The following RLF variants were observed in gnomAD, a reference collection of about 807,000 sequenced individuals.
RLF encodes the protein zinc finger protein Rlf.
A neutral mutation model predicts 162.9 loss-of-function variants in RLF; 7 were observed. The ratio of observed to expected loss-of-function variants is 0.04; its 90% confidence interval spans 0.02 to 0.08. RLF has a LOEUF of 0.08. Ranked by LOEUF, RLF falls within the 10% of genes least tolerant of loss-of-function variation. RLF has a pLI of 1.00. For synonymous variants in RLF, 782 were observed against 791.5 expected, an observed-to-expected ratio of 0.99 and a Z score of 0.20; for missense variants, 1,664 against 2,244.7, an observed-to-expected ratio of 0.74 and a Z score of 5.23.
chr1:40,213,638 A>G (rs1642890090), intron 5 of RLF, among the ~76,000 whole-genome samples: 1 of 152,172 alleles, frequency 6.6e-6, no homozygotes, highest in African/African-American at 2.4e-5. Flanking sequence ...CCTTTCTTCT[A>G]CTCAAGGATG....
At chr1:40,168,929 G>T (rs1642202712) in intron 1 of RLF, among the ~76,000 whole-genome samples, 1 of 151,972 alleles carries the variant, frequency 6.6e-6, no homozygotes, top group Non-Finnish European at 1.5e-5. Context: ...GGAGGCAGAG[G>T]TTGCAGTGGG....
intron 3 of RLF, among the ~76,000 whole-genome samples, chr1:40,194,994 C>T (rs1156482426): frequency 5.5e-5 from 6 of 109,836 alleles, no homozygotes; most frequent in Middle Eastern, 5.0e-3. Context: ...CCACCACGCC[C>T]GGCTAATTTT....
rs981892427 is a variant in RLF at position 40,178,569 on chromosome 1, A to G, written c.238-10486A>G. On this transcript the variant is annotated intron_variant, in intron 1 of 7. Transcript: ENST00000372771. ...TGTTCAGATGGTAAATTTTATATGT[A>G]TTTTACCACCATTTTGAAAAAATAG... Among the ~76,000 whole-genome samples, 7 of 138,990 alleles carry G rather than the reference A, an allele frequency of 5.0e-5. No homozygotes were observed. In the South Asian group the frequency reaches 9.0e-4, roughly 18 times the overall value. 91.2% of individuals were successfully genotyped at this position (138,990 alleles called of 152,430 possible).
At chr1:40,201,450 C>G (rs931233754) in intron 4 of RLF, among the ~76,000 whole-genome samples, 1 of 151,642 alleles carries the variant, frequency 6.6e-6, no homozygotes, top group African/African-American at 2.4e-5. Context: ...AACGGTGAAA[C>G]CCCGTCTCTA....
intron 1 of RLF, among the ~76,000 whole-genome samples, chr1:40,187,042 T>G (rs959922862): frequency 4.1e-5 from 6 of 145,972 alleles, no homozygotes; most frequent in East Asian, 2.0e-4. Context: ...TGTTTTTTGG[T>G]TTTTTTTTTT....
At position 40,235,860 on chromosome 1, in the gene RLF, A is replaced by G. The variant is rs1183026072; in HGVS notation, c.1158A>G (p.Glu386=). The G allele has an allele frequency of 6.2e-7, 1 of 1,613,958 alleles. No homozygotes were observed. Among genetic ancestry groups the G allele is most frequent in the Non-Finnish European group, 8.5e-7 (1 of 1,179,988 alleles). Residue 386 remains glutamate (E), a synonymous_variant, in exon 8 of 8, where the codon GAA becomes GAG. Transcript: ENST00000372771. ...CVRALQLRSS[E]DEEMKASVCK... ...GAGCTCTTCAACTCAGATCAAGTGA[A>G]GATGAGGAAATGAAGGCATCAGTTT...
At chr1:40,195,183 C>G (rs1388189626) in intron 3 of RLF, among the ~76,000 whole-genome samples, 2 of 151,616 alleles carry the variant, frequency 1.3e-5, no homozygotes, top group Non-Finnish European at 2.9e-5. Flanking sequence ...GACGCGATGG[C>G]TCAACACCTA....
Position 40,202,556 on chromosome 1 carries a change from A to G in RLF, c.752A>G (p.Gln251Arg). Reference protein sequence around the residue: ...SKEISNVSSFQQAYITCLCSM... With the variant: ...SKEISNVSSFRQAYITCLCSM... ...GAAATTTCAAATGTGTCATCTTTTCAGCAAGCCTATATCACATGTTTATGT... is the reference window on the plus strand; with the variant it reads ...GAAATTTCAAATGTGTCATCTTTTCGGCAAGCCTATATCACATGTTTATGT... The change falls in exon 5 of 8, where the codon CAG becomes CGG. Residue 251 changes from glutamine to arginine, a missense_variant. Gln to Arg is a conservative substitution (Grantham distance 43). Around this residue, in one of 15 missense-constraint regions of RLF, gnomAD observed 287 missense variants for 404.9 expected, o/e 0.71. Coordinates refer to ENST00000372771, the MANE Select transcript of RLF (RefSeq NM_012421.4). 1 of 1,569,784 alleles carries G rather than the reference A, an allele frequency of 6.4e-7. No individual in the cohort carries two copies. The highest frequency in any genetic ancestry group is 8.6e-7 in the Non-Finnish European group (1 of 1,167,538).
intron 5 of RLF, among the ~76,000 whole-genome samples, chr1:40,206,487 A>G (rs911151166): frequency 8.5e-5 from 13 of 152,216 alleles, no homozygotes; most frequent in Non-Finnish European, 1.8e-4. Flanking sequence ...TCAAAGATGA[A>G]TGCAGAAGTC....
rs1353789722 is a variant in RLF, at chr1:40,237,808, A to C, written c.3106A>C (p.Lys1036Gln). ...GLDHNIHIKC[K>Q]REHQGYSSES... is the part of the protein sequence containing the mutation. ...AGATCACAATATTCACATTAAATGTAAACGAGAACATCAAGGTTATTCCTC... is the reference window on the plus strand; with the variant it reads ...AGATCACAATATTCACATTAAATGTCAACGAGAACATCAAGGTTATTCCTC... The change falls in exon 8 of 8, where the codon AAA (lysine) becomes CAA (glutamine). Residue 1036 changes from lysine to glutamine, a missense_variant. By Grantham distance (53) the Lys-to-Gln change is moderately conservative. Around this residue, in one of 15 missense-constraint regions of RLF, gnomAD observed 295 missense variants for 317.4 expected, o/e 0.93. Transcript: ENST00000372771. This position sits in a 1 kb window ranked among gnomAD's most constrained non-coding sequence, Gnocchi z 4.4. 2.5e-6 allele frequency: 4 copies of C among 1,614,182 alleles called. No homozygotes were observed. Among genetic ancestry groups the C allele is most frequent in the East Asian group, 2.2e-5 (1 of 44,884 alleles).
intron 7 of RLF, among the ~76,000 whole-genome samples, chr1:40,232,643 T>G (rs1185356694): frequency 6.6e-6 from 1 of 152,162 alleles, no homozygotes; most frequent in East Asian, 1.9e-4. Context: ...TTACCTCTGT[T>G]TTCAAGCAGC....
At chr1:40,234,619 T>C (rs1557761454) in intron 7 of RLF, among the ~76,000 whole-genome samples, 1 of 152,260 alleles carries the variant, frequency 6.6e-6, no homozygotes, top group Non-Finnish European at 1.5e-5. Context: ...ATTACTGTTA[T>C]CATTTTACCA....
chr1:40,166,504 G>T (rs1459226541), intron 1 of RLF, among the ~76,000 whole-genome samples: 2 of 151,932 alleles, frequency 1.3e-5, no homozygotes, highest in Non-Finnish European at 1.5e-5. Context: ...CCATTACTGG[G>T]TATATACCCA....
At chr1:40,223,114 AAAAAAGG>A (rs1254060940) in intron 6 of RLF, among the ~76,000 whole-genome samples, 3 of 152,330 alleles carry the variant, frequency 2.0e-5, no homozygotes, top group South Asian at 2.1e-4. Context: ...AACTAGCACT[AAAAAAGG>A]AAATTCACTT....
intron 3 of RLF, among the ~76,000 whole-genome samples, chr1:40,195,371 C>G (rs1164033487): frequency 6.6e-6 from 1 of 151,666 alleles, no homozygotes; most frequent in Non-Finnish European, 1.5e-5. Context: ...ATTGCTTGAA[C>G]CCAGGGGTTG....
intron 6 of RLF, 83 bp from the exon 7 acceptor site, chr1:40,231,434 A>G (rs1168955426): frequency 1.6e-6 from 2 of 1,235,120 alleles, no homozygotes; most frequent in Admixed American, 4.3e-5. Context: ...AGCTTTCTAC[A>G]GATCAAAAAA....
intron 5 of RLF, among the ~76,000 whole-genome samples, chr1:40,207,602 C>T (rs1431074765): frequency 6.6e-6 from 1 of 152,040 alleles, no homozygotes; most frequent in Non-Finnish European, 1.5e-5. Flanking sequence ...AATCTTTTAT[C>T]AGATTTTTTT....
In RLF at chr1:40,178,897, C is replaced by T. The variant is rs550489578; in HGVS notation, c.238-10158C>T. 7.9e-5 allele frequency among the ~76,000 whole-genome samples: 12 copies of T among 152,052 alleles called. No homozygotes were observed. In the East Asian group the frequency reaches 2.3e-3, roughly 29 times the overall value. ...TCACCCAGGCTGGAGAGCATTGGTG[C>T]GATCTCAGCTCACTGCAGCCTCCAC... On this transcript the variant is annotated intron_variant, in intron 1 of 7. Coordinates refer to ENST00000372771, the MANE Select transcript of RLF (RefSeq NM_012421.4).
chr1:40,222,472 A>C (rs543739501), intron 5 of RLF, 102 bp from the exon 6 acceptor site: 32 of 1,015,378 alleles, frequency 3.2e-5, no homozygotes, highest in Non-Finnish European at 4.5e-5. Context: ...GGAGAAAATT[A>C]TGTCTCTAAT....
Sources: allele counts gnomAD v4.1 joint callset (sites outside exome capture counted in the v4.1 genomes callset), GRCh38; gene constraint gnomAD v4.1.1; regional missense constraint gnomAD v4.1.1; non-coding constraint Gnocchi (gnomAD v3.1); transcripts MANE v1.5; gene names NCBI Gene and HGNC (gene_info 2026-07-23, HGNC 2026-07-21).